The following CEP70 variants were observed in gnomAD, a reference collection of about 807,000 sequenced individuals.
CEP70 encodes the protein centrosomal protein of 70 kDa.
Under a neutral mutation model 90.9 loss-of-function variants are expected in CEP70, and 70 were observed. The ratio of observed to expected loss-of-function variants is 0.77; its 90% CI spans 0.64 to 0.94. The LOEUF (loss-of-function observed/expected upper bound fraction) is 0.94, where lower values mean the gene tolerates loss of function less well. CEP70 is among the 40% of genes least tolerant of loss of function. The probability of loss-of-function intolerance (pLI) is 0.00; values close to 1 mark genes in which losing one functional copy is unlikely to be tolerated. For missense variants in CEP70, 648 were observed against 669.0 expected (o/e 0.97, Z 0.35); for synonymous variants, 220 against 228.3 (o/e 0.96, Z 0.33).
At chr3:138,509,768 G>A (rs2035346437) in intron 11 of CEP70, among the ~76,000 whole-genome samples, 1 of 152,074 alleles carries the variant, frequency 6.6e-6, no homozygotes, top group African/African-American at 2.4e-5. Flanking sequence ...CACCTAGGAT[G>A]TGATTCATCC....
intron 17 of CEP70, chr3:138,497,423 TAA>T (rs1200247516): frequency 8.9e-7 from 1 of 1,127,770 alleles, no homozygotes; most frequent in African/African-American, 1.7e-5. Flanking sequence ...TTCTTAATAG[TAA>T]GATAAATAAT....
chr3:138,583,620 A>G lies in CEP70; in HGVS notation c.-6+8234T>C, dbSNP rs368047591. On this transcript the variant is annotated intron_variant, in intron 2 of 17. Coordinates refer to ENST00000264982, the MANE Select transcript of CEP70 (RefSeq NM_024491.4). ...ATATAAAGTATCTTCTCTGACCACA[A>G]TGGAATAAAACTAGAAATCAGTTAA... is the stretch of plus-strand genomic sequence containing the variant. Among the ~76,000 whole-genome samples, 46 of 152,344 alleles carry G rather than the reference A, an allele frequency of 3.0e-4. No individual in the cohort carries two copies. In the South Asian group the frequency reaches 7.4e-3, roughly 25 times the overall value.
intron 17 of CEP70, chr3:138,495,926 T>C (rs1263051513): frequency 1.0e-6 from 1 of 985,288 alleles, no homozygotes; most frequent in African/African-American, 1.7e-5. Flanking sequence ...CAATATATTA[T>C]AGAGCTTAGC....
chr3:138,508,320 G>C (rs1201831717), intron 12 of CEP70, 119 bp downstream of exon 12: 5 of 707,054 alleles, frequency 7.1e-6, no homozygotes, highest in Non-Finnish European at 1.3e-5. Flanking sequence ...GACAGAATAA[G>C]TACACATAAA....
At chr3:138,503,437 T>G (rs897251266) in intron 13 of CEP70, among the ~76,000 whole-genome samples, 3 of 152,290 alleles carry the variant, frequency 2.0e-5, no homozygotes, top group Admixed American at 1.3e-4. Context: ...TATCTTACTC[T>G]TTAAAGCCAA....
intron 6 of CEP70, among the ~76,000 whole-genome samples, chr3:138,542,154 A>G (rs934344937): frequency 5.3e-4 from 80 of 152,286 alleles, no homozygotes; most frequent in African/African-American, 1.9e-3. Context: ...GGGTCTGGCT[A>G]TGTGCACAGC....
intron 6 of CEP70, among the ~76,000 whole-genome samples, chr3:138,563,874 C>T (rs77985472): frequency 6.6e-6 from 1 of 151,984 alleles, no homozygotes; most frequent in Non-Finnish European, 1.5e-5. Context: ...GCTAGAGACA[C>T]AAAAAACTCT....
rs571169304 is a variant in CEP70 at position 138,496,446 on chromosome 3, T to C, written c.1733-1370A>G. On this transcript the variant is annotated intron_variant, in intron 17 of 17. Coordinates refer to ENST00000264982, the MANE Select transcript of CEP70 (RefSeq NM_024491.4). Reference sequence around the variant, plus strand: ...TGTTTACAATTCCCTTACATTGTGGTAAGGTACAAGATCAAGGTATTCCCT... The same window carrying C: ...TGTTTACAATTCCCTTACATTGTGGCAAGGTACAAGATCAAGGTATTCCCT... The C allele has an allele frequency of 3.0e-6, 3 of 985,396 alleles. No homozygotes were observed. The Admixed American group carries it at 1.8e-4, about 61-fold the overall frequency. 61.0% of individuals were successfully genotyped at this position (985,396 alleles called of 1,614,324 possible). A position where few individuals can be genotyped will look rare whatever the true frequency, so the allele number is the denominator to read the frequency against.
chr3:138,573,422 T>C (rs2041318189), intron 2 of CEP70, among the ~76,000 whole-genome samples: 1 of 151,448 alleles, frequency 6.6e-6, no homozygotes, highest in African/African-American at 2.4e-5. Flanking sequence ...CAGTCATACC[T>C]AGACACTAAT....
At chr3:138,568,982 TAAAAAAACAAACAAA>T (rs1390393397) in intron 6 of CEP70, among the ~76,000 whole-genome samples, 1 of 143,394 alleles carries the variant, frequency 7.0e-6, no homozygotes, top group Admixed American at 6.9e-5. Flanking sequence ...AGACTCTGTC[TAAAAAAACAAACAAA>T]AAAAAAACAC....
At position 138,500,044 on chromosome 3, in the gene CEP70, C is replaced by T. The variant is rs1459551273; in HGVS notation, c.1652+66G>A. The T allele has an allele frequency of 9.4e-6, 10 of 1,062,192 alleles. No homozygotes were observed. In the East Asian group the frequency reaches 1.9e-4, roughly 20 times the overall value. 65.8% of individuals were successfully genotyped at this position (1,062,192 alleles called of 1,614,324 possible). A position where few individuals can be genotyped will look rare whatever the true frequency, so the allele number is the denominator to read the frequency against. The stretch of plus-strand genomic sequence containing the variant: ...ACATCAGCCTCCCAAGTAGCTGGGA[C>T]TACAGGCGTGTGCCACCACACCCAG... On this transcript the variant is annotated intron_variant, in intron 16 of 17. Coordinates refer to ENST00000264982, the MANE Select transcript of CEP70 (RefSeq NM_024491.4).
chr3:138,564,392 A>C (rs2040626363), intron 6 of CEP70, among the ~76,000 whole-genome samples: 1 of 152,154 alleles, frequency 6.6e-6, no homozygotes, highest in South Asian at 2.1e-4. Context: ...GAGACACAAC[A>C]AAAACAGAAA....
intron 16 of CEP70, 102 bp downstream of exon 16, chr3:138,500,008 G>A (rs993347130): frequency 2.4e-5 from 19 of 783,770 alleles, no homozygotes; most frequent in East Asian, 7.4e-5. Flanking sequence ...CTGGGTTCAA[G>A]TGATCCTCCC....
At chr3:138,566,139 C>A (rs1314633059) in intron 6 of CEP70, among the ~76,000 whole-genome samples, 2 of 152,140 alleles carry the variant, frequency 1.3e-5, no homozygotes, top group African/African-American at 4.8e-5. Context: ...CCATCTCATG[C>A]CATTTAGAAT....
At chr3:138,578,980 T>C (rs1178934122) in intron 2 of CEP70, among the ~76,000 whole-genome samples, 1 of 152,092 alleles carries the variant, frequency 6.6e-6, no homozygotes, top group Non-Finnish European at 1.5e-5. Context: ...CCGAAGAGGG[T>C]AGGAAAGACA....
chr3:138,583,519 C>T (rs1451327454), intron 2 of CEP70, among the ~76,000 whole-genome samples: 2 of 152,184 alleles, frequency 1.3e-5, no homozygotes, highest in East Asian at 3.8e-4. Context: ...CTCCTCAGCA[C>T]ATGGATCATT....
chr3:138,561,939 C>T (rs1354642734), intron 6 of CEP70, among the ~76,000 whole-genome samples: 6 of 150,010 alleles, frequency 4.0e-5, no homozygotes, highest in Admixed American at 6.7e-5. Context: ...AGGAGAATGG[C>T]GTGAACCTGG....
In CEP70 at chr3:138,500,767, TATCTACTATAA is replaced by T; in HGVS notation, c.1325_1335del (p.Phe442TyrfsTer7). On this transcript the variant is annotated frameshift_variant, in exon 14 of 18. Transcript: ENST00000264982. LOFTEE classifies it high-confidence loss of function. ...TTATTTTCAACTTCTTCCAGCATAG[TATCTACTATAA>T]ACAACAAATCTTCAACTTTGATACC... 6.2e-7 allele frequency: 1 copy of T among 1,603,598 alleles called. No homozygotes were observed. Among genetic ancestry groups the T allele is most frequent in the Non-Finnish European group, 8.5e-7 (1 of 1,175,182 alleles).
chr3:138,550,985 A>T (rs908648828), intron 6 of CEP70, among the ~76,000 whole-genome samples: 1 of 152,206 alleles, frequency 6.6e-6, no homozygotes, highest in Non-Finnish European at 1.5e-5. Context: ...CAGCCTTGCT[A>T]AAGACCTAGA....
Sources: allele counts gnomAD v4.1 joint callset (sites outside exome capture counted in the v4.1 genomes callset), GRCh38; gene constraint gnomAD v4.1.1; transcripts MANE v1.5; gene names NCBI Gene and HGNC (gene_info 2026-07-23, HGNC 2026-07-21).